Variants in PCDHA3 observed in about 807,000 individuals in gnomAD.
The protein encoded by PCDHA3 is protocadherin alpha 3, also known as protocadherin alpha-3.
PCDHA3 carries 41 observed loss-of-function variants against 62.2 expected under a neutral mutation model. The ratio of observed to expected loss-of-function variants is 0.66; its 90% CI spans 0.51 to 0.86. PCDHA3 has a LOEUF of 0.86. Among genes scored for constraint, PCDHA3 ranks in the 40% least tolerant of loss-of-function variants. The pLI is 0.00. For synonymous variants in PCDHA3, 640 were observed against 555.4 expected (o/e 1.15, Z -2.14); for missense variants, 1,304 against 1,241.2 (o/e 1.05, Z -0.76).
intron 1 of PCDHA3, chr5:140,862,433 G>C (rs781821294): frequency 2.8e-6 from 1 of 354,766 alleles, no homozygotes; most frequent in African/African-American, 2.1e-5. Context: ...GAAACTATTC[G>C]TTGGTACTCC....
At chr5:140,998,533 T>C (rs1362807124) in intron 3 of PCDHA3, among the ~76,000 whole-genome samples, 1 of 152,020 alleles carries the variant, frequency 6.6e-6, no homozygotes, top group Non-Finnish European at 1.5e-5. Flanking sequence ...TTTATATCCC[T>C]AATTCCTAAT....
chr5:140,899,464 T>A (rs1357482231), intron 1 of PCDHA3, among the ~76,000 whole-genome samples: 22 of 152,226 alleles, frequency 1.4e-4, no homozygotes, highest in Admixed American at 2.0e-4. Context: ...GGTTTTTGTC[T>A]TTGGTTCTGT....
rs782270666 is a variant in PCDHA3, at chr5:140,884,372, A to G, written c.2394+80781A>G. ...GGTGGATGTCAATGTTTACTTGATC[A>G]TTGCCATCTGCGCGGTGTCCAGCCT... On this transcript the variant is annotated intron_variant, in intron 1 of 3. Coordinates refer to ENST00000522353, the MANE Select transcript of PCDHA3 (RefSeq NM_018906.3). 6 of 1,613,806 alleles carry G rather than the reference A, an allele frequency of 3.7e-6. No homozygotes were observed. Among genetic ancestry groups the G allele is most frequent in the Non-Finnish European group, 5.1e-6 (6 of 1,179,874 alleles).
At chr5:140,834,511 A>T in intron 1 of PCDHA3, 1 of 1,614,070 alleles carries the variant, frequency 6.2e-7, no homozygotes, top group East Asian at 2.2e-5. Flanking sequence ...AAACATGGCA[A>T]CTTCGTGGGC....
At chr5:141,000,412 TATATATA>T (rs1563651366) in intron 3 of PCDHA3, among the ~76,000 whole-genome samples, 7 of 102,770 alleles carry the variant, frequency 6.8e-5, no homozygotes, top group African/African-American at 2.7e-4. Context: ...TATATATATA[TATATATA>T]TATTTTTTTT....
chr5:140,977,084 A>C lies in PCDHA3; in HGVS notation c.2395-1865A>C, dbSNP rs545652987. On this transcript the variant is annotated intron_variant, in intron 1 of 3. Coordinates refer to ENST00000522353, the MANE Select transcript of PCDHA3 (RefSeq NM_018906.3). ...TAGAAAATAGCAGCATGACAAATTA[A>C]ATGTGTCATTGGGGAAGTGAGATTG... is the stretch of plus-strand genomic sequence containing the variant. 2.0e-5 allele frequency among the ~76,000 whole-genome samples: 3 copies of C among 152,336 alleles called. No individual in the cohort carries two copies. The East Asian group carries it at 5.8e-4, about 29-fold the overall frequency.
intron 1 of PCDHA3, chr5:140,850,308 G>C: frequency 6.3e-7 from 1 of 1,597,160 alleles, no homozygotes; most frequent in Non-Finnish European, 8.6e-7. Flanking sequence ...GGGCTACAAC[G>C]CGTGGCTTTC....
At chr5:140,886,742 C>T (rs2061110620) in intron 1 of PCDHA3, among the ~76,000 whole-genome samples, 1 of 149,008 alleles carries the variant, frequency 6.7e-6, no homozygotes, top group Non-Finnish European at 1.5e-5. Flanking sequence ...AAGAGAATTG[C>T]TTGAACCCGG....
intron 1 of PCDHA3, among the ~76,000 whole-genome samples, chr5:140,974,566 C>T (rs2096631979): frequency 6.6e-6 from 1 of 152,138 alleles, no homozygotes; most frequent in African/African-American, 2.4e-5. Context: ...GGCTGGAGTG[C>T]AATGGCATGA....
In PCDHA3 at chr5:140,922,223, C is replaced by T. The variant is rs115262412; in HGVS notation, c.2395-56726C>T. 8.0e-3 allele frequency among the ~76,000 whole-genome samples: 1,216 copies of T among 152,128 alleles called. 6 individuals are homozygous for T. Among genetic ancestry groups the T allele is most frequent in the African/African-American group, 0.019 (784 of 41,508 alleles). ...ATGAAACTTTGTAAAACATTTGAAC[C>T]TCAACCATGATGTGTATGAAGATAA... On this transcript the variant is annotated intron_variant, in intron 1 of 3. Transcript: ENST00000522353.
chr5:140,952,416 G>T (rs114343205), intron 1 of PCDHA3, among the ~76,000 whole-genome samples: 1 of 151,730 alleles, frequency 6.6e-6, no homozygotes, highest in Non-Finnish European at 1.5e-5. Context: ...TTAATGTTCC[G>T]CAGATTCCTA....
chr5:140,921,282 A>C (rs1208744523), intron 1 of PCDHA3, among the ~76,000 whole-genome samples: 1 of 152,224 alleles, frequency 6.6e-6, no homozygotes, highest in Non-Finnish European at 1.5e-5. Flanking sequence ...CTTGAAAAAA[A>C]CCTCAAATTT....
intron 1 of PCDHA3, among the ~76,000 whole-genome samples, chr5:140,960,713 A>C (rs1272219565): frequency 6.6e-6 from 1 of 150,862 alleles, no homozygotes; most frequent in Non-Finnish European, 1.5e-5. Context: ...CCAAATACTC[A>C]TCTTATTTTA....
chr5:140,981,033 GA>G (rs148859655), intron 2 of PCDHA3, among the ~76,000 whole-genome samples: 2 of 151,612 alleles, frequency 1.3e-5, no homozygotes, highest in Admixed American at 6.6e-5. Flanking sequence ...AATATTTGGG[GA>G]AAAAAAACAG....
chr5:140,850,793 G>C (rs1232565289), intron 1 of PCDHA3: 2 of 1,598,464 alleles, frequency 1.3e-6, no homozygotes, highest in Non-Finnish European at 1.7e-6. Flanking sequence ...GTAAGCAGAA[G>C]ACCGACCTCA....
chr5:140,895,166 C>T (rs1319581978), intron 1 of PCDHA3, among the ~76,000 whole-genome samples: 1 of 152,138 alleles, frequency 6.6e-6, no homozygotes, highest in Non-Finnish European at 1.5e-5. Context: ...ACAATCCAAT[C>T]TATTTGTAGT....
At chr5:140,928,400 C>T (rs1441591334) in intron 1 of PCDHA3, 15 of 1,614,038 alleles carry the variant, frequency 9.3e-6, no homozygotes, top group Non-Finnish European at 1.3e-5. Context: ...GTGGAATCAT[C>T]CAGTGGGGCC....
At position 140,862,652 on chromosome 5, in the gene PCDHA3, G is replaced by A. The variant is rs904797822; in HGVS notation, c.2394+59061G>A. ...TGCCACGACTTCACAGTGTCCGCGC[G>A]GGACCGGGACGCGCAGGAGAACGTG... is the stretch of plus-strand genomic sequence containing the variant. On this transcript the variant is annotated intron_variant, in intron 1 of 3. Coordinates refer to ENST00000522353, the MANE Select transcript of PCDHA3 (RefSeq NM_018906.3). The A allele has an allele frequency of 1.4e-4, 76 of 544,114 alleles. 1 individual carries two copies. The highest frequency in any genetic ancestry group is 3.8e-5 in the African/African-American group (2 of 52,208). 33.7% of individuals were successfully genotyped at this position (544,114 alleles called of 1,614,324 possible). A position where few individuals can be genotyped will look rare whatever the true frequency, so the allele number is the denominator to read the frequency against.
intron 1 of PCDHA3, chr5:140,822,422 G>A (rs1429396395): frequency 2.5e-6 from 4 of 1,613,922 alleles, no homozygotes; most frequent in Non-Finnish European, 3.4e-6. Context: ...GCAACTGATG[G>A]AGGAAAACCC....
Sources: allele counts gnomAD v4.1 joint callset (sites outside exome capture counted in the v4.1 genomes callset), GRCh38; gene constraint gnomAD v4.1.1; transcripts MANE v1.5; gene names NCBI Gene and HGNC (gene_info 2026-07-23, HGNC 2026-07-21).